RIMBP2: variants seen among roughly 807,000 people sequenced by gnomAD.
RIMBP2 encodes RIMS binding protein 2.
A neutral mutation model predicts 118.6 loss-of-function variants in RIMBP2; 48 were observed. The observed-to-expected ratio is 0.40, with a 90% confidence interval of 0.32 to 0.51. The LOEUF is 0.51. Among genes scored for constraint, RIMBP2 ranks in the 20% least tolerant of loss-of-function variants. The pLI is 0.41. For synonymous variants in RIMBP2, 762 were observed against 742.9 expected (o/e 1.03, Z -0.42); for missense variants, 1,551 against 1,768.3 (o/e 0.88, Z 2.20).
In RIMBP2 at chr12:130,399,695, C is replaced by T. The variant is rs763559163; in HGVS notation, c.3884G>A (p.Arg1295His). The T allele has an allele frequency of 2.0e-5, 32 of 1,613,156 alleles. No individual in the cohort carries two copies. Among genetic ancestry groups the T allele is most frequent in the Non-Finnish European group, 2.5e-5 (29 of 1,179,784 alleles). The change falls in exon 22 of 23, where the codon CGC becomes CAC. Residue 1295 changes from arginine (R) to histidine (H), a missense_variant. Arg to His is a conservative substitution (Grantham distance 29). Coordinates refer to ENST00000690449, the MANE Select transcript of RIMBP2 (RefSeq NM_001393629.1). The part of the protein sequence containing the change: ...PSHYSQDTPM[R>H]SKAKRVPPEG... ...TTTGCTTACCCTTTTTGCCTTTGAG[C>T]GCATTGGCGTATCTTGAGAGTAGTG... is the stretch of plus-strand genomic sequence containing the variant.
chr12:130,470,660 C>A (rs1314907844), intron 6 of RIMBP2, 33 bp downstream of exon 6: 1 of 1,216,824 alleles, frequency 8.2e-7, no homozygotes, highest in Non-Finnish European at 1.0e-6. Context: ...ACGTCCCCCA[C>A]CCCCGGGCAG....
intron 1 of RIMBP2, among the ~76,000 whole-genome samples, chr12:130,698,823 C>T (rs1420604211): frequency 1.3e-5 from 2 of 152,120 alleles, no homozygotes; most frequent in South Asian, 4.2e-4. Context: ...ATTTTTGCAA[C>T]CTACTCATCT....
chr12:130,667,589 AG>A (rs2064008596), intron 1 of RIMBP2: 1 of 152,304 alleles, frequency 6.6e-6, no homozygotes, highest in Admixed American at 6.5e-5. Context: ...GCTTCCTTCC[AG>A]CCAGGACCCC....
chr12:130,412,875 G>GAAACTATATTT, intron 18 of RIMBP2, 88 bp from the exon 19 acceptor site: 1 of 1,208,218 alleles, frequency 8.3e-7, no homozygotes, highest in Non-Finnish European at 1.1e-6. Flanking sequence ...GAGTGTAGTC[G>GAAACTATATTT]AAAATATATT....
chr12:130,643,344 C>T lies in RIMBP2; in HGVS notation c.-351-14888G>A, dbSNP rs1355384314. ...GTCTCCTGTGTCAGGGAGAGGTGAG[C>T]CCCACAAGCGACCAGCAGGAGAGGA... is the stretch of plus-strand genomic sequence containing the variant. On this transcript the variant is annotated intron_variant, in intron 1 of 22. Coordinates refer to ENST00000690449, the MANE Select transcript of RIMBP2 (RefSeq NM_001393629.1). Among the ~76,000 whole-genome samples, 3 of 152,290 alleles carry T rather than the reference C, an allele frequency of 2.0e-5. No individual in the cohort carries two copies. The East Asian group carries it at 5.8e-4, about 30-fold the overall frequency.
intron 1 of RIMBP2, among the ~76,000 whole-genome samples, chr12:130,650,183 C>T (rs375388211): frequency 3.4e-4 from 52 of 152,242 alleles, no homozygotes; most frequent in African/African-American, 1.2e-3. Flanking sequence ...TGGTGGGCAG[C>T]TTGCAAGCTG....
At chr12:130,491,080 T>C (rs1421195977) in intron 4 of RIMBP2, among the ~76,000 whole-genome samples, 1 of 152,212 alleles carries the variant, frequency 6.6e-6, no homozygotes, top group Non-Finnish European at 1.5e-5. Flanking sequence ...AGAACCTGCC[T>C]GAGACCCAGC....
chr12:130,459,163 G>T (rs2079746395), intron 6 of RIMBP2, among the ~76,000 whole-genome samples: 1 of 152,010 alleles, frequency 6.6e-6, no homozygotes, highest in Non-Finnish European at 1.5e-5. Context: ...TTAGGGGAGG[G>T]TGTGACGAGG....
At chr12:130,412,875 G>T in intron 18 of RIMBP2, 88 bp from the exon 19 acceptor site, 1 of 1,208,218 alleles carries the variant, frequency 8.3e-7, no homozygotes, top group Non-Finnish European at 1.1e-6. Flanking sequence ...GAGTGTAGTC[G>T]AAAATATATT....
intron 1 of RIMBP2, among the ~76,000 whole-genome samples, chr12:130,643,112 C>G (rs2062696767): frequency 6.6e-6 from 1 of 152,226 alleles, no homozygotes; most frequent in South Asian, 2.1e-4. Context: ...CACGAAGTCC[C>G]CGCAACAGCC....
At position 130,633,132 on chromosome 12, in the gene RIMBP2, G is replaced by A. The variant is rs77451628; in HGVS notation, c.-351-4676C>T. On this transcript the variant is annotated intron_variant, in intron 1 of 22. Coordinates refer to ENST00000690449, the MANE Select transcript of RIMBP2 (RefSeq NM_001393629.1). ...CTTAAGCCAGAGTCAGCACCCTCAC[G>A]TTTTGCTGTATATTTCAACTAACAG... 2.7e-3 allele frequency among the ~76,000 whole-genome samples: 407 copies of A among 152,236 alleles called. 1 individual carries two copies. Among genetic ancestry groups the A allele is most frequent in the African/African-American group, 9.4e-3 (391 of 41,532 alleles).
chr12:130,470,801 C>A, intron 5 of RIMBP2, 58 bp from the exon 6 acceptor site: 1 of 1,016,212 alleles, frequency 9.8e-7, no homozygotes, highest in South Asian at 5.0e-5. Context: ...AGAAGACAAT[C>A]GGATCAATGT....
chr12:130,589,492 G>C (rs955423574), intron 2 of RIMBP2, among the ~76,000 whole-genome samples: 3 of 152,184 alleles, frequency 2.0e-5, no homozygotes, highest in Non-Finnish European at 4.4e-5. Context: ...CTGGAGGATA[G>C]GGTCAGCCCC....
At chr12:130,402,753 GCCC>G (rs766486915) in intron 21 of RIMBP2, among the ~76,000 whole-genome samples, 50 of 152,280 alleles carry the variant, frequency 3.3e-4, no homozygotes, top group Admixed American at 1.8e-3. Context: ...TTTTCTCTGT[GCCC>G]CAGTCAGTGA....
At chr12:130,684,505 A>G (rs11061083) in intron 1 of RIMBP2, among the ~76,000 whole-genome samples, 12,452 of 152,266 alleles carry the variant, frequency 0.082, 1,690 homozygotes, top group African/African-American at 0.28. Flanking sequence ...AGTGAGAGCT[A>G]GGAAAAATGA....
At chr12:130,510,925 G>A (rs1316633489) in intron 3 of RIMBP2, among the ~76,000 whole-genome samples, 3 of 152,168 alleles carry the variant, frequency 2.0e-5, no homozygotes, top group Non-Finnish European at 4.4e-5. Context: ...TGGACAAGGA[G>A]GGGGAGGGAG....
chr12:130,560,688 G>A (rs1040359375), intron 2 of RIMBP2, among the ~76,000 whole-genome samples: 1 of 152,202 alleles, frequency 6.6e-6, no homozygotes, highest in Non-Finnish European at 1.5e-5. Flanking sequence ...AATCGCATGT[G>A]TCTTAACCAA....
At chr12:130,521,741 G>A (rs200137429) in intron 2 of RIMBP2, among the ~76,000 whole-genome samples, 15 of 152,292 alleles carry the variant, frequency 9.8e-5, no homozygotes, top group African/African-American at 3.1e-4. Context: ...CACCACCCCC[G>A]TCTTAGCTTT....
chr12:130,632,809 G>A (rs2062084654), intron 1 of RIMBP2, among the ~76,000 whole-genome samples: 1 of 152,206 alleles, frequency 6.6e-6, no homozygotes, highest in African/African-American at 2.4e-5. Flanking sequence ...ATTGAGTACA[G>A]AGCTTGAAGA....
Sources: gnomAD v4.1 joint callset for allele counts (sites outside exome capture counted in the v4.1 genomes callset) on GRCh38, gnomAD v4.1.1 for gene constraint, MANE v1.5 for transcripts, NCBI Gene and HGNC (gene_info 2026-07-23, HGNC 2026-07-21) for gene names.